Variants in SH2D3C observed in about 807,000 individuals in gnomAD.
The protein encoded by SH2D3C is SH2 domain-containing protein 3C.
SH2D3C carries 25 observed loss-of-function variants against 75.2 expected under a neutral mutation model. The observed-to-expected ratio is 0.33, with a 90% CI of 0.24 to 0.46. The LOEUF is 0.46. SH2D3C is among the 20% of genes least tolerant of loss of function. The probability of loss-of-function intolerance (pLI) is 1.00; values close to 1 mark genes in which losing one functional copy is unlikely to be tolerated. For synonymous variants in SH2D3C, 450 were observed against 473.7 expected (o/e 0.95, Z 0.65); for missense variants, 933 against 1,165.3 (o/e 0.80, Z 2.90).
chr9:127,753,246 C>T (rs536042049), intron 3 of SH2D3C, among the ~76,000 whole-genome samples: 28 of 151,724 alleles, frequency 1.8e-4, no homozygotes, highest in South Asian at 4.2e-4. Context: ...GCAGATAAGG[C>T]GTGGGCAGAA....
chr9:127,743,228 C>T (rs1031010046), intron 7 of SH2D3C, among the ~76,000 whole-genome samples: 3 of 152,190 alleles, frequency 2.0e-5, no homozygotes, highest in African/African-American at 7.2e-5. Context: ...GTCGGCCGGG[C>T]GGGGTGGCTC....
At chr9:127,763,382 A>G (rs1206052006) in intron 2 of SH2D3C, among the ~76,000 whole-genome samples, 1 of 152,204 alleles carries the variant, frequency 6.6e-6, no homozygotes, top group Non-Finnish European at 1.5e-5. Flanking sequence ...ACTGAGACCC[A>G]GTCCCCAACA....
At chr9:127,770,565 A>C (rs2131807462) in intron 2 of SH2D3C, among the ~76,000 whole-genome samples, 1 of 152,248 alleles carries the variant, frequency 6.6e-6, no homozygotes, top group African/African-American at 2.4e-5. Flanking sequence ...AGGAATGTTC[A>C]ACAGTCCCTG....
chr9:127,764,732 G>A (rs550906383), intron 2 of SH2D3C, among the ~76,000 whole-genome samples: 6 of 152,110 alleles, frequency 3.9e-5, no homozygotes, highest in Non-Finnish European at 8.8e-5. Context: ...TGTTGAGATG[G>A]AGTCTCGCTC....
At position 127,774,396 on chromosome 9, in the gene SH2D3C, C is replaced by T; in HGVS notation, c.109G>A (p.Ala37Thr). 2 of 1,613,840 alleles carry T rather than the reference C, an allele frequency of 1.2e-6. No individual in the cohort carries two copies. Among genetic ancestry groups the T allele is most frequent in the Non-Finnish European group, 1.7e-6 (2 of 1,179,854 alleles). Residue 37 changes from alanine to threonine, a missense_variant, in exon 2 of 12, where the codon GCT becomes ACT. Coordinates refer to ENST00000314830, the MANE Select transcript of SH2D3C (RefSeq NM_170600.3). The surrounding 1 kb of genome is among the most constrained non-coding windows in gnomAD (Gnocchi z 4.3). ...AAATGGGACTGCCTACTGATGGAAG[C>T]TGAGGATCGTCTCAGAGTGAAGGAC... The part of the protein sequence containing the change: ...PRSFTLRRSS[A>T]SISRQSHLEP...
At chr9:127,773,699 C>A (rs1442137240) in intron 2 of SH2D3C, among the ~76,000 whole-genome samples, 5 of 151,924 alleles carry the variant, frequency 3.3e-5, no homozygotes, top group African/African-American at 1.2e-4. Context: ...AGGCAGATCA[C>A]CTGAGGTCAG....
Position 127,738,963 on chromosome 9 carries a change from C to T in SH2D3C, c.2408-42G>A. On this transcript the variant is annotated intron_variant, in intron 11 of 11. Coordinates refer to ENST00000314830, the MANE Select transcript of SH2D3C (RefSeq NM_170600.3). The surrounding 1 kb of genome is among the most constrained non-coding windows in gnomAD (Gnocchi z 5.0). ...TAGGGTCAGGGCAGAGGCTGGGGTTCCTGTCCAGAGCCCTAGCATTCTTCA... is the reference window on the plus strand; with the variant it reads ...TAGGGTCAGGGCAGAGGCTGGGGTTTCTGTCCAGAGCCCTAGCATTCTTCA... 14 of 1,487,802 alleles carry T rather than the reference C, an allele frequency of 9.4e-6. No homozygotes were observed. Among genetic ancestry groups the T allele is most frequent in the Non-Finnish European group, 1.3e-5 (14 of 1,111,268 alleles). The allele number at this position is 1,487,802 out of a possible 1,614,324, so 92.2% of individuals were successfully genotyped here. A position where few individuals can be genotyped will look rare whatever the true frequency, so the allele number is the denominator to read the frequency against.
rs1845312213 is a variant in SH2D3C, at chr9:127,754,782, C to T, written c.556-3482G>A. ...CGGCAGGACGCCGGAGACCCCATCT[C>T]CCAGTCCCCCCTGCCCCAGCTCTCT... On this transcript the variant is annotated intron_variant, in intron 3 of 11. Transcript: ENST00000314830. This position sits in a 1 kb window ranked among gnomAD's most constrained non-coding sequence, Gnocchi z 4.4. 1 of 477,148 alleles carries T rather than the reference C, an allele frequency of 2.1e-6. No homozygotes were observed. Among genetic ancestry groups the T allele is most frequent in the South Asian group, 1.6e-5 (1 of 64,412 alleles). The allele number at this position is 477,148 out of a possible 1,614,324, so 29.6% of individuals were successfully genotyped here.
Position 127,739,874 on chromosome 9 carries a change from T to G in SH2D3C, c.2215A>C (p.Ser739Arg). The change falls in exon 11 of 12, where the codon AGC becomes CGC. Residue 739 changes from serine to arginine, a missense_variant. Coordinates refer to ENST00000314830, the MANE Select transcript of SH2D3C (RefSeq NM_170600.3). The surrounding 1 kb of genome is among the most constrained non-coding windows in gnomAD (Gnocchi z 4.3). ...AGCACATGAGGAAACGTGGTGTTGC[T>G]CAGCGGCGGGCCTTCTGCAAGGAGA... is the stretch of plus-strand genomic sequence containing the variant. ...LNEGKEGPPL[S>R]NTTFPHVLPL... 1 of 1,538,552 alleles carries G rather than the reference T, an allele frequency of 6.5e-7. No individual in the cohort carries two copies. Among genetic ancestry groups the G allele is most frequent in the South Asian group, 1.2e-5 (1 of 83,520 alleles).
At chr9:127,771,038 A>G in intron 2 of SH2D3C, 1 of 575,100 alleles carries the variant, frequency 1.7e-6, no homozygotes, top group Non-Finnish European at 3.0e-6. Flanking sequence ...CTGCGGTGAC[A>G]AAGTTACACC....
At chr9:127,757,645 G>GATT (rs71380087) in intron 3 of SH2D3C, among the ~76,000 whole-genome samples, 89 of 121,508 alleles carry the variant, frequency 7.3e-4, no homozygotes, top group African/African-American at 1.8e-3. Flanking sequence ...TGATGATGAT[G>GATT]ATTATTATTA....
rs1844866513 is a variant in SH2D3C, at chr9:127,741,845, C to A, written c.2031G>T (p.Gly677=). ...KTIQLAAELR[G]TMGNMFSFAA... ...CGAAGCTGAACATGTTGCCCATAGT[C>A]CCCCGCAGCTCGGCCGCCAGCTGAA... The change falls in exon 9 of 12, where the codon GGG becomes GGT. Residue 677 remains glycine (G), a synonymous_variant. Transcript: ENST00000314830. 1.2e-6 allele frequency: 2 copies of A among 1,613,276 alleles called. No homozygotes were observed. Among genetic ancestry groups the A allele is most frequent in the Admixed American group, 1.7e-5 (1 of 60,012 alleles).
intron 2 of SH2D3C, among the ~76,000 whole-genome samples, chr9:127,766,742 G>A (rs1845642881): frequency 6.6e-6 from 1 of 152,168 alleles, no homozygotes; most frequent in Non-Finnish European, 1.5e-5. Flanking sequence ...GCTAGTTTTT[G>A]TATTTTTAGT....
intron 2 of SH2D3C, chr9:127,766,771 T>C (rs776221285): frequency 1.8e-4 from 117 of 651,588 alleles, no homozygotes; most frequent in Non-Finnish European, 2.8e-4. Context: ...GGTTTCACCA[T>C]GTTGGCCAGG....
chr9:127,766,033 C>T (rs997136557), intron 2 of SH2D3C, among the ~76,000 whole-genome samples: 1 of 152,148 alleles, frequency 6.6e-6, no homozygotes, highest in Non-Finnish European at 1.5e-5. Flanking sequence ...GCAATTAAAG[C>T]CCATTATCCT....
At chr9:127,750,837 C>T (rs1009818953) in intron 4 of SH2D3C, among the ~76,000 whole-genome samples, 1 of 152,218 alleles carries the variant, frequency 6.6e-6, no homozygotes. Context: ...ATACAAAAGG[C>T]AGATATGTAG....
At chr9:127,766,797 T>C in intron 2 of SH2D3C, 1 of 770,984 alleles carries the variant, frequency 1.3e-6, no homozygotes, top group Non-Finnish European at 2.0e-6. Flanking sequence ...CTTGAACTCC[T>C]GGCATCAGGT....
In SH2D3C at chr9:127,754,087, C is replaced by G. The variant is rs559575827; in HGVS notation, c.556-2787G>C. Among the ~76,000 whole-genome samples the G allele has an allele frequency of 2.0e-5, 3 of 152,286 alleles. No homozygotes were observed. The highest frequency in any genetic ancestry group is 7.2e-5 in the African/African-American group (3 of 41,576). ...TCCCTGTGCCTTGATCTCACCTCGACCTGGGAGCCCCCAGTTCCCTAGAGT... is the reference window on the plus strand; with the variant it reads ...TCCCTGTGCCTTGATCTCACCTCGAGCTGGGAGCCCCCAGTTCCCTAGAGT... On this transcript the variant is annotated intron_variant, in intron 3 of 11. Coordinates refer to ENST00000314830, the MANE Select transcript of SH2D3C (RefSeq NM_170600.3). This position sits in a 1 kb window ranked among gnomAD's most constrained non-coding sequence, Gnocchi z 4.4.
intron 3 of SH2D3C, chr9:127,755,192 T>TG (rs913472355): frequency 3.5e-5 from 42 of 1,186,272 alleles, no homozygotes; most frequent in Non-Finnish European, 3.8e-5. Context: ...CGGGACGGTG[T>TG]GGGGGGGCGG....
Sources: gnomAD v4.1 joint callset for allele counts (sites outside exome capture counted in the v4.1 genomes callset) on GRCh38, gnomAD v4.1.1 for gene constraint, Gnocchi (gnomAD v3.1) non-coding constraint, MANE v1.5 for transcripts, NCBI Gene and HGNC (gene_info 2026-07-23, HGNC 2026-07-21) for gene names.